Variants in ABCD4 observed in about 807,000 individuals in gnomAD.
ABCD4 encodes the protein lysosomal cobalamin transporter ABCD4.
ABCD4 carries 53 observed loss-of-function variants against 86.3 expected under a neutral mutation model. That is an observed-to-expected ratio of 0.61 (90% CI 0.49 to 0.77). The LOEUF (loss-of-function observed/expected upper bound fraction) is 0.77, where lower values mean the gene tolerates loss of function less well. ABCD4 is among the 30% of genes least tolerant of loss of function. ABCD4 has a pLI of 0.00. For missense variants in ABCD4, 757 were observed against 764.5 expected, an observed-to-expected ratio of 0.99 and a Z score of 0.12; for synonymous variants, 328 against 313.6, an observed-to-expected ratio of 1.05 and a Z score of -0.49.
intron 8 of ABCD4, 79 bp from the exon 9 acceptor site, chr14:74,292,948 G>T: frequency 6.3e-7 from 1 of 1,597,396 alleles, no homozygotes; most frequent in Admixed American, 1.7e-5. Flanking sequence ...ACAGGGAGCA[G>T]GACGCCAAGT....
Position 74,300,162 on chromosome 14 carries a change from G to A in ABCD4, c.145C>T (p.Leu49=). 1 of 1,612,006 alleles carries A rather than the reference G, an allele frequency of 6.2e-7. No individual in the cohort carries two copies. The highest frequency in any genetic ancestry group is 8.5e-7 in the Non-Finnish European group (1 of 1,178,682). Residue 49 remains leucine (L), a synonymous_variant, in exon 2 of 19, where the codon CTG becomes TTG. Coordinates refer to ENST00000356924, the MANE Select transcript of ABCD4 (RefSeq NM_005050.4). ...CTCACTCACTCACCCAGTAGGGTCA[G>A]GCACAAAAGGGTCAGGAACATCAAG... ...NALMFLTLLC[L]TLLEQFVIYQ... is the part of the protein sequence containing the mutation.
intron 4 of ABCD4, chr14:74,297,564 CT>C (rs566448507): frequency 6.0e-5 from 15 of 250,032 alleles, no homozygotes; most frequent in Non-Finnish European, 9.0e-5. Flanking sequence ...TAACATTTTT[CT>C]TTTTTTTAAG....
chr14:74,300,214 C>G lies in ABCD4; in HGVS notation c.93G>C (p.Leu31Phe), dbSNP rs1485810086. The part of the protein sequence containing the change: ...LQRFLQILKV[L>F]FPSWSSQNAL... ...CATTTTGTGATGACCAAGAAGGAAA[C>G]AAAACCTTCAGTATCTGCAGGAACC... The change falls in exon 2 of 19, where the codon TTG becomes TTC. Residue 31 changes from leucine to phenylalanine, a missense_variant. By Grantham distance (22) the Leu-to-Phe change is conservative. Coordinates refer to ENST00000356924, the MANE Select transcript of ABCD4 (RefSeq NM_005050.4). 1 of 1,613,592 alleles carries G rather than the reference C, an allele frequency of 6.2e-7. No individual in the cohort carries two copies. The highest frequency in any genetic ancestry group is 1.1e-5 in the South Asian group (1 of 91,052).
intron 3 of ABCD4, chr14:74,299,212 G>C (rs1459690364): frequency 4.3e-5 from 10 of 233,442 alleles, no homozygotes; most frequent in East Asian, 1.2e-4. Context: ...CGCAGAGGAG[G>C]AGCAGCAGCT....
Position 74,295,905 on chromosome 14 carries a change from C to A in ABCD4, c.617G>T (p.Gly206Val). 1.9e-6 allele frequency: 3 copies of A among 1,613,294 alleles called. No individual in the cohort carries two copies. The highest frequency in any genetic ancestry group is 8.5e-7 in the Non-Finnish European group (1 of 1,179,854). The change falls in exon 6 of 19, where the codon GGC (glycine) becomes GTC (valine). Residue 206 changes from glycine (G) to valine (V), a missense_variant. Physicochemically the swap from Gly to Val is moderately radical, Grantham distance 109. Coordinates refer to ENST00000356924, the MANE Select transcript of ABCD4 (RefSeq NM_005050.4). Reference sequence around the variant, plus strand: ...ATGCACCAGCTTCATCACAATGGGGCCCATCAAAGTTTTGTTCACCACGGT... The same window carrying A: ...ATGCACCAGCTTCATCACAATGGGGACCATCAAAGTTTTGTTCACCACGGT... The part of the protein sequence containing the change: ...LGTVVNKTLM[G>V]PIVMKLVHQE...
intron 3 of ABCD4, among the ~76,000 whole-genome samples, chr14:74,298,759 C>G (rs909611849): frequency 1.3e-5 from 2 of 152,200 alleles, no homozygotes; most frequent in African/African-American, 4.8e-5. Flanking sequence ...GAAGACCCAA[C>G]AAAAGTGGCC....
At chr14:74,292,896 C>T (rs373237898) in intron 8 of ABCD4, 27 bp from the exon 9 acceptor site, 39 of 1,613,756 alleles carry the variant, frequency 2.4e-5, no homozygotes, top group Non-Finnish European at 3.2e-5. Flanking sequence ...TGTGAGACAC[C>T]CAGGAACCAT....
intron 17 of ABCD4, among the ~76,000 whole-genome samples, chr14:74,287,551 CAAAAAAA>C (rs67310859): frequency 9.3e-6 from 1 of 107,342 alleles, no homozygotes; most frequent in Admixed American, 9.7e-5. Context: ...GAGACTGTCT[CAAAAAAA>C]AAAAAAAAAA....
In ABCD4 at chr14:74,298,034, C is replaced by T. The variant is rs766795226; in HGVS notation, c.321G>A (p.Leu107=). The T allele has an allele frequency of 2.5e-6, 4 of 1,613,958 alleles. No individual in the cohort carries two copies. The highest frequency in any genetic ancestry group is 1.7e-5 in the Admixed American group (1 of 59,976). Residue 107 remains leucine (L), a synonymous_variant, in exon 4 of 19, where the codon CTG becomes CTA. Transcript: ENST00000356924. ...KSFDQFTCNL[L]YVSWRKDLTE... ...TGAGGTCCTTCCTCCAGCTCACATA[C>T]AGCAGGTTGCAGGTGAACTGATCAA...
chr14:74,288,794 A>T (rs752405350), intron 14 of ABCD4, 29 bp from the exon 15 acceptor site: 1 of 1,611,252 alleles, frequency 6.2e-7, no homozygotes. Context: ...TTCTGCAAAA[A>T]GCCAGAGCCT....
chr14:74,287,830 T>C lies in ABCD4; in HGVS notation c.1616A>G (p.Tyr539Cys). 6.2e-7 allele frequency: 1 copy of C among 1,612,766 alleles called. No homozygotes were observed. Among genetic ancestry groups the C allele is most frequent in the East Asian group, 2.2e-5 (1 of 44,818 alleles). Reference protein sequence around the residue: ...MQRLSFARLFYLQPKYAVLDE... With the variant: ...MQRLSFARLFCLQPKYAVLDE... ...CTCACCTGCGTACTTCGGCTGCAGG[T>C]AGAAGAGTCGGGCAAAGGAGAGCCG... Residue 539 changes from tyrosine to cysteine, a missense_variant, in exon 17 of 19, where the codon TAC becomes TGC. Coordinates refer to ENST00000356924, the MANE Select transcript of ABCD4 (RefSeq NM_005050.4).
In ABCD4 at chr14:74,288,194, G is replaced by A. The variant is rs1301441023; in HGVS notation, c.1559+13C>T. The A allele has an allele frequency of 6.2e-7, 1 of 1,612,152 alleles. No individual in the cohort carries two copies. The highest frequency in any genetic ancestry group is 2.2e-5 in the East Asian group (1 of 44,856). On this transcript the variant is annotated intron_variant, in intron 16 of 18. Transcript: ENST00000356924. The stretch of plus-strand genomic sequence containing the variant: ...GTGGGGCTATCTCTGGAGCACCCAA[G>A]CTCTTTTCTTACCAGTTCCAGTCCA...
intron 15 of ABCD4, 89 bp downstream of exon 15, chr14:74,288,627 G>A: frequency 6.8e-7 from 1 of 1,466,654 alleles, no homozygotes; most frequent in Non-Finnish European, 9.4e-7. Context: ...TCCAGTCCTG[G>A]GCCCAAGCAT....
Position 74,286,740 on chromosome 14 carries a change from C to T in ABCD4, c.1713G>A (p.Met571Ile). Reference sequence around the variant, plus strand: ...GCCGATGTCCCACACTGATGAACGTCATCCCCAGCTGCTGGCCGATGCGAT... The same window carrying T: ...GCCGATGTCCCACACTGATGAACGTTATCCCCAGCTGCTGGCCGATGCGAT... ...ELYRIGQQLGMTFISVGHRQS... is the reference protein window; with the variant it reads ...ELYRIGQQLGITFISVGHRQS... The change falls in exon 18 of 19, where the codon ATG (methionine) becomes ATA (isoleucine). Residue 571 changes from methionine to isoleucine, a missense_variant. Met to Ile is a conservative substitution (Grantham distance 10). Coordinates refer to ENST00000356924, the MANE Select transcript of ABCD4 (RefSeq NM_005050.4). The T allele has an allele frequency of 6.2e-7, 1 of 1,614,168 alleles. No homozygotes were observed. Among genetic ancestry groups the T allele is most frequent in the Non-Finnish European group, 8.5e-7 (1 of 1,180,052 alleles).
intron 3 of ABCD4, 32 bp downstream of exon 3, chr14:74,299,516 A>G: frequency 6.2e-7 from 1 of 1,610,722 alleles, no homozygotes; most frequent in Non-Finnish European, 8.5e-7. Flanking sequence ...ACTGGAGAGG[A>G]CGAGAGACAC....
intron 17 of ABCD4, 112 bp from the exon 18 acceptor site, chr14:74,286,928 C>T (rs2079928389): frequency 2.1e-6 from 2 of 973,110 alleles, no homozygotes; most frequent in Non-Finnish European, 1.5e-6. Flanking sequence ...CTGAAAGCTG[C>T]TCTGGCTTCC....
chr14:74,293,498 C>T (rs951817200), intron 7 of ABCD4: 8 of 382,966 alleles, frequency 2.1e-5, no homozygotes, highest in Non-Finnish European at 3.3e-5. Context: ...TTACTAGCTG[C>T]GTGACACAGG....
chr14:74,295,772 T>G (rs1472224235), intron 6 of ABCD4, 82 bp downstream of exon 6: 1 of 1,581,780 alleles, frequency 6.3e-7, no homozygotes, highest in Non-Finnish European at 8.6e-7. Context: ...CAGCTAGGAT[T>G]TGAACTTAGG....
chr14:74,298,187 C>T, intron 3 of ABCD4, 118 bp from the exon 4 acceptor site: 1 of 1,485,804 alleles, frequency 6.7e-7, no homozygotes, highest in Non-Finnish European at 8.9e-7. Flanking sequence ...ACTCTGATTA[C>T]TCCGTCCACT....
Sources: allele counts gnomAD v4.1 joint callset (sites outside exome capture counted in the v4.1 genomes callset), GRCh38; gene constraint gnomAD v4.1.1; transcripts MANE v1.5; gene names NCBI Gene and HGNC (gene_info 2026-07-23, HGNC 2026-07-21).